Variants in DOCK2 observed in about 807,000 individuals in gnomAD.
DOCK2 encodes dedicator of cytokinesis 2, also known as dedicator of cytokinesis protein 2.
A neutral mutation model predicts 248.9 loss-of-function variants in DOCK2; 87 were observed. The ratio of observed to expected loss-of-function variants is 0.35; its 90% CI spans 0.29 to 0.42. The LOEUF (loss-of-function observed/expected upper bound fraction) is 0.42. DOCK2 is among the 10% of genes least tolerant of loss of function. DOCK2 has a pLI of 1.00. For synonymous variants in DOCK2, 805 were observed against 821.6 expected (o/e 0.98, Z 0.35); for missense variants, 1,747 against 2,300.2 (o/e 0.76, Z 4.92).
chr5:170,024,783 A>C (rs1755847388), intron 33 of DOCK2, among the ~76,000 whole-genome samples: 1 of 152,192 alleles, frequency 6.6e-6, no homozygotes, highest in Non-Finnish European at 1.5e-5. Context: ...TTCTGAGCAC[A>C]GTACTGACCC....
chr5:169,700,010 G>C lies in DOCK2; in HGVS notation c.1133-4G>C, dbSNP rs201185913. On this transcript the variant is annotated splice_polypyrimidine_tract_variant and splice_region_variant and intron_variant, in intron 12 of 51. Transcript: ENST00000520908. ...GCTCTTCACGGTGAGCTGTTCCTTTGCAGGCCTCTGGGTGACCATGAAGAT... is the reference window on the plus strand; with the variant it reads ...GCTCTTCACGGTGAGCTGTTCCTTTCCAGGCCTCTGGGTGACCATGAAGAT... 1 of 1,613,514 alleles carries C rather than the reference G, an allele frequency of 6.2e-7. No individual in the cohort carries two copies. The highest frequency in any genetic ancestry group is 1.1e-5 in the South Asian group (1 of 91,062).
chr5:169,893,705 C>A (rs1186252628), intron 27 of DOCK2, among the ~76,000 whole-genome samples: 3 of 152,128 alleles, frequency 2.0e-5, no homozygotes, highest in African/African-American at 7.2e-5. Context: ...CAGAAAAAAA[C>A]AACAGGAAGC....
chr5:169,896,899 T>C (rs540238211), intron 27 of DOCK2, among the ~76,000 whole-genome samples: 1 of 152,092 alleles, frequency 6.6e-6, no homozygotes, highest in South Asian at 2.1e-4. Context: ...AAAAATAAAG[T>C]TAATAAAGAG....
chr5:169,743,121 G>T (rs982362773), intron 22 of DOCK2, among the ~76,000 whole-genome samples: 1 of 152,204 alleles, frequency 6.6e-6, no homozygotes, highest in Non-Finnish European at 1.5e-5. Flanking sequence ...CTGAAGAATC[G>T]CAGACAGATG....
At chr5:169,967,335 G>A (rs975767340) in intron 27 of DOCK2, among the ~76,000 whole-genome samples, 1 of 152,178 alleles carries the variant, frequency 6.6e-6, no homozygotes, top group African/African-American at 2.4e-5. Flanking sequence ...TTGTTTAAAA[G>A]GTAGGTAGAT....
chr5:169,778,507 A>G (rs768103612), intron 25 of DOCK2, among the ~76,000 whole-genome samples: 73 of 152,356 alleles, frequency 4.8e-4, no homozygotes, highest in Non-Finnish European at 9.7e-4. Flanking sequence ...CACAAAAGTC[A>G]GGAAGGCAAC....
intron 27 of DOCK2, among the ~76,000 whole-genome samples, chr5:169,973,991 G>A (rs1475992918): frequency 1.3e-5 from 2 of 152,180 alleles, no homozygotes; most frequent in Non-Finnish European, 1.5e-5. Context: ...TTCAGCAGGG[G>A]GAGAGGTGGT....
intron 27 of DOCK2, among the ~76,000 whole-genome samples, chr5:169,877,173 G>T (rs1772380338): frequency 6.6e-6 from 1 of 152,192 alleles, no homozygotes; most frequent in Non-Finnish European, 1.5e-5. Flanking sequence ...AGGCACAGAG[G>T]AATGACAGAA....
chr5:170,036,579 C>A (rs1364436411), intron 36 of DOCK2, 24 bp downstream of exon 36: 1 of 1,610,760 alleles, frequency 6.2e-7, no homozygotes, highest in Non-Finnish European at 8.5e-7. Flanking sequence ...TTTCTAAAAT[C>A]CAGACCTGCT....
At chr5:169,717,591 G>C in intron 21 of DOCK2, 107 bp downstream of exon 21, 1 of 986,784 alleles carries the variant, frequency 1.0e-6, no homozygotes, top group African/African-American at 1.6e-5. Context: ...TCATCTGTGT[G>C]AGCTCTCCAT....
At position 169,671,060 on chromosome 5, in the gene DOCK2, T is replaced by C; in HGVS notation, c.225-18T>C. The stretch of plus-strand genomic sequence containing the variant: ...CTGGGTCTCAATTTCACACCACTTT[T>C]TCTCCCACCTTAAATAGAAATACTG... On this transcript the variant is annotated intron_variant, in intron 4 of 51. Coordinates refer to ENST00000520908, the MANE Select transcript of DOCK2 (RefSeq NM_004946.3). 6.2e-7 allele frequency: 1 copy of C among 1,610,848 alleles called. No homozygotes were observed. The highest frequency in any genetic ancestry group is 8.5e-7 in the Non-Finnish European group (1 of 1,177,838).
At chr5:169,818,608 C>T (rs531729603) in intron 26 of DOCK2, among the ~76,000 whole-genome samples, 1 of 152,184 alleles carries the variant, frequency 6.6e-6, no homozygotes, top group Admixed American at 6.5e-5. Flanking sequence ...TCAAAAGCAT[C>T]TGATTAATTA....
chr5:169,703,262 G>T lies in DOCK2; in HGVS notation c.1383+835G>T, dbSNP rs567787741. Among the ~76,000 whole-genome samples, 12 of 152,274 alleles carry T rather than the reference G, an allele frequency of 7.9e-5. No individual in the cohort carries two copies. In the East Asian group the frequency reaches 2.3e-3, roughly 29 times the overall value. On this transcript the variant is annotated intron_variant, in intron 14 of 51. Transcript: ENST00000520908. ...GAGAGGGGATGTGAAGATGGAAGAG[G>T]CATCATTTTTGTCCTTGGGGCCTGG...
intron 27 of DOCK2, among the ~76,000 whole-genome samples, chr5:169,982,205 A>G (rs4867907): frequency 0.98 from 148,683 of 152,202 alleles, 72,655 homozygotes; most frequent in Middle Eastern, 1. Flanking sequence ...AGACAGTCAA[A>G]AATGACTTCT....
At chr5:169,733,703 AT>A (rs1173519666) in intron 22 of DOCK2, among the ~76,000 whole-genome samples, 2 of 152,044 alleles carry the variant, frequency 1.3e-5, no homozygotes, top group African/African-American at 4.8e-5. Context: ...GTTTTTCTAG[AT>A]ATAGACTTAT....
chr5:170,035,931 T>C (rs1243313443), intron 35 of DOCK2, among the ~76,000 whole-genome samples: 1 of 152,174 alleles, frequency 6.6e-6, no homozygotes, highest in Non-Finnish European at 1.5e-5. Flanking sequence ...TTAGGATCTC[T>C]GGTGGTGAAG....
chr5:169,976,093 G>T (rs1005590879), intron 27 of DOCK2, among the ~76,000 whole-genome samples: 32 of 152,068 alleles, frequency 2.1e-4, no homozygotes, highest in African/African-American at 7.7e-4. Flanking sequence ...ACATTCTTTT[G>T]GAGATGGGAA....
intron 30 of DOCK2, among the ~76,000 whole-genome samples, chr5:170,002,464 T>G (rs576515835): frequency 6.6e-6 from 1 of 152,334 alleles, no homozygotes; most frequent in East Asian, 1.9e-4. Flanking sequence ...CATAAAAAAA[T>G]TCTGAAAGGC....
At chr5:170,050,972 A>G (rs766637314) in intron 41 of DOCK2, among the ~76,000 whole-genome samples, 2 of 152,210 alleles carry the variant, frequency 1.3e-5, no homozygotes, top group Non-Finnish European at 2.9e-5. Flanking sequence ...AGCAAGTAAA[A>G]GAGGCGTTAA....
Sources: gnomAD v4.1 joint callset for allele counts (sites outside exome capture counted in the v4.1 genomes callset) on GRCh38, gnomAD v4.1.1 for gene constraint, MANE v1.5 for transcripts, NCBI Gene and HGNC (gene_info 2026-07-23, HGNC 2026-07-21) for gene names.